PTPRT: variants seen among roughly 807,000 people sequenced by gnomAD.
The protein encoded by PTPRT is protein tyrosine phosphatase receptor type T.
In PTPRT, 56 loss-of-function variants were observed where a neutral mutation model predicts 176.8. That is an observed-to-expected ratio of 0.32 (90% confidence interval 0.26 to 0.40). The LOEUF is 0.40. Among genes scored for constraint, PTPRT ranks in the 10% least tolerant of loss-of-function variants. PTPRT has a pLI of 1.00. For missense variants in PTPRT, 1,540 were observed against 1,908.2 expected (o/e 0.81, Z 3.60); for synonymous variants, 783 against 739.0 (o/e 1.06, Z -0.96).
In PTPRT at chr20:43,024,214, C is replaced by T. The variant is rs143056374; in HGVS notation, c.89-138282G>A. ...CATAATGGAGCAATACTAGTGCCCA[C>T]CTTATAGGGTTGTTGTGAGGAGTAA... is the stretch of plus-strand genomic sequence containing the variant. On this transcript the variant is annotated intron_variant, in intron 1 of 30. Coordinates refer to ENST00000373187, the MANE Select transcript of PTPRT (RefSeq NM_007050.6). Among the ~76,000 whole-genome samples, 19 of 152,234 alleles carry T rather than the reference C, an allele frequency of 1.2e-4. No homozygotes were observed. In the East Asian group the frequency reaches 3.7e-3, roughly 29 times the overall value.
chr20:42,277,240 T>G (rs2057054935), intron 13 of PTPRT, among the ~76,000 whole-genome samples: 1 of 152,314 alleles, frequency 6.6e-6, no homozygotes, highest in East Asian at 1.9e-4. Context: ...AGATTAAAAC[T>G]GTGGCTGTCT....
chr20:42,515,042 G>A (rs1359702924), intron 7 of PTPRT, among the ~76,000 whole-genome samples: 1 of 152,120 alleles, frequency 6.6e-6, no homozygotes, highest in African/African-American at 2.4e-5. Context: ...TCCACTGGGG[G>A]TTTTATCTTA....
intron 1 of PTPRT, among the ~76,000 whole-genome samples, chr20:42,930,549 G>A (rs1726667382): frequency 1.3e-5 from 2 of 151,932 alleles, no homozygotes; most frequent in African/African-American, 2.4e-5. Flanking sequence ...GTGGTACACT[G>A]ATAGCTCACT....
intron 11 of PTPRT, among the ~76,000 whole-genome samples, chr20:42,334,565 C>T (rs1478525080): frequency 6.6e-6 from 1 of 152,184 alleles, no homozygotes; most frequent in Admixed American, 6.5e-5. Context: ...CAAGCCATTT[C>T]AGTGAAGCTG....
intron 7 of PTPRT, among the ~76,000 whole-genome samples, chr20:42,596,042 T>A (rs1326395178): frequency 6.6e-6 from 1 of 152,098 alleles, no homozygotes; most frequent in East Asian, 1.9e-4. Flanking sequence ...AAGAAGAGCC[T>A]CCAACAATAA....
intron 7 of PTPRT, among the ~76,000 whole-genome samples, chr20:42,523,979 A>C (rs2072223823): frequency 6.6e-6 from 1 of 151,942 alleles, no homozygotes; most frequent in African/African-American, 2.4e-5. Flanking sequence ...CCTGGGCAAA[A>C]TAGGGAGACC....
chr20:42,132,642 C>A (rs1988173630), intron 18 of PTPRT, among the ~76,000 whole-genome samples: 3 of 152,120 alleles, frequency 2.0e-5, no homozygotes, highest in Admixed American at 2.0e-4. Context: ...ATTAGGATGG[C>A]CAAAATCCAA....
downstream of PTPRT, among the ~76,000 whole-genome samples, chr20:42,070,039 A>G (rs909713660): frequency 6.6e-6 from 1 of 152,142 alleles, no homozygotes; most frequent in Admixed American, 6.5e-5. Context: ...TATCCTAAAG[A>G]TTAAGTGGTC....
At chr20:43,174,286 C>T (rs567769396) in intron 1 of PTPRT, among the ~76,000 whole-genome samples, 3 of 152,316 alleles carry the variant, frequency 2.0e-5, no homozygotes, top group South Asian at 2.1e-4. Context: ...TACTTAACCA[C>T]TCTGTTCCTC....
At chr20:42,885,377 A>T (rs1485643292) in intron 2 of PTPRT, among the ~76,000 whole-genome samples, 1 of 148,404 alleles carries the variant, frequency 6.7e-6, no homozygotes, top group Non-Finnish European at 1.5e-5. Flanking sequence ...AATATATAAC[A>T]ATAATATAAT....
intron 1 of PTPRT, among the ~76,000 whole-genome samples, chr20:42,959,510 T>C (rs1226187514): frequency 6.6e-6 from 1 of 152,170 alleles, no homozygotes; most frequent in Non-Finnish European, 1.5e-5. Context: ...AAAGTAGGTA[T>C]TGCTATTATC....
intron 15 of PTPRT, among the ~76,000 whole-genome samples, chr20:42,212,220 T>C (rs73616985): frequency 7.0e-6 from 1 of 143,794 alleles, no homozygotes; most frequent in South Asian, 2.2e-4. Context: ...GTGGGTGCAG[T>C]GCACCAGCAT....
intron 1 of PTPRT, among the ~76,000 whole-genome samples, chr20:43,089,643 TG>T (rs1488053369): frequency 6.6e-6 from 1 of 151,984 alleles, no homozygotes; most frequent in South Asian, 2.1e-4. Context: ...GGAGGTGGAA[TG>T]GTGAGGAGAA....
chr20:43,116,479 C>T (rs552883503), intron 1 of PTPRT, among the ~76,000 whole-genome samples: 2 of 152,206 alleles, frequency 1.3e-5, no homozygotes, highest in Admixed American at 1.3e-4. Context: ...AGTTATTTAT[C>T]AGACATACCT....
At chr20:42,922,628 T>G (rs1979221673) in intron 1 of PTPRT, among the ~76,000 whole-genome samples, 1 of 152,198 alleles carries the variant, frequency 6.6e-6, no homozygotes, top group African/African-American at 2.4e-5. Context: ...TAACAGTTAC[T>G]TCATTCAATT....
chr20:42,229,900 G>T (rs2056099257), intron 15 of PTPRT, among the ~76,000 whole-genome samples: 1 of 151,976 alleles, frequency 6.6e-6, no homozygotes, highest in African/African-American at 2.4e-5. Context: ...GTTGACTTTA[G>T]CTGTATGTCC....
intron 17 of PTPRT, among the ~76,000 whole-genome samples, chr20:42,159,729 C>T (rs1989508987): frequency 6.6e-6 from 1 of 152,088 alleles, no homozygotes; most frequent in South Asian, 2.1e-4. Context: ...TTACTTACAT[C>T]CATTGACATA....
At chr20:42,692,568 A>C (rs1307385654) in intron 6 of PTPRT, among the ~76,000 whole-genome samples, 1 of 152,222 alleles carries the variant, frequency 6.6e-6, no homozygotes, top group Non-Finnish European at 1.5e-5. Flanking sequence ...GGTATCTAAC[A>C]CATTACTCTA....
At chr20:42,893,121 A>G (rs560030313) in intron 1 of PTPRT, among the ~76,000 whole-genome samples, 1 of 152,318 alleles carries the variant, frequency 6.6e-6, no homozygotes, top group African/African-American at 2.4e-5. Flanking sequence ...CTCATCTGAC[A>G]AAGGGCTAAT....
Sources: gnomAD v4.1 joint callset for allele counts (sites outside exome capture counted in the v4.1 genomes callset) on GRCh38, gnomAD v4.1.1 for gene constraint, MANE v1.5 for transcripts, NCBI Gene and HGNC (gene_info 2026-07-23, HGNC 2026-07-21) for gene names.